The following ATF7IP variants were observed in gnomAD, a reference collection of about 807,000 sequenced individuals.
ATF7IP encodes the protein activating transcription factor 7-interacting protein 1.
A neutral mutation model predicts 106.4 loss-of-function variants in ATF7IP; 23 were observed. That is an observed-to-expected ratio of 0.22 (90% CI 0.16 to 0.31). The LOEUF (loss-of-function observed/expected upper bound fraction) is 0.31. Among genes scored for constraint, ATF7IP ranks in the 10% least tolerant of loss-of-function variants. The pLI is 1.00. For synonymous variants in ATF7IP, 542 were observed against 539.0 expected, an observed-to-expected ratio of 1.01 and a Z score of -0.08; for missense variants, 1,334 against 1,524.3, an observed-to-expected ratio of 0.88 and a Z score of 2.08.
chr12:14,425,102 A>G lies in ATF7IP; in HGVS notation c.1187A>G (p.Glu396Gly). Residue 396 changes from glutamate to glycine, a missense_variant, in exon 2 of 15, where the codon GAA (glutamate) becomes GGA (glycine). By Grantham distance (98) the Glu-to-Gly change is moderately conservative (BLOSUM62 -2). Coordinates refer to ENST00000261168, the MANE Select transcript of ATF7IP (RefSeq NM_018179.5). Reference sequence around the variant, plus strand: ...AGCAGTATGGAAATTGACCAAGGTGAAAAGAATGAAGATGAAACTTCTGCA... The same window carrying G: ...AGCAGTATGGAAATTGACCAAGGTGGAAAGAATGAAGATGAAACTTCTGCA... ...ISSSMEIDQG[E>G]KNEDETSADL... The G allele has an allele frequency of 6.3e-7, 1 of 1,589,124 alleles. No individual in the cohort carries two copies.
At chr12:14,423,545 T>C (rs1370922866) in intron 1 of ATF7IP, among the ~76,000 whole-genome samples, 2 of 150,864 alleles carry the variant, frequency 1.3e-5, no homozygotes, top group East Asian at 3.9e-4. Flanking sequence ...TCTTACACTT[T>C]TATTTTTCTT....
chr12:14,496,118 T>C (rs778848952), intron 13 of ATF7IP, 113 bp from the exon 14 acceptor site: 5 of 674,892 alleles, frequency 7.4e-6, no homozygotes, highest in African/African-American at 3.6e-5. Context: ...GAAATATCTT[T>C]CCTTTCGAAT....
intron 5 of ATF7IP, among the ~76,000 whole-genome samples, chr12:14,443,862 A>G (rs1259072235): frequency 3.3e-5 from 5 of 152,346 alleles, no homozygotes; most frequent in Non-Finnish European, 1.5e-5. Context: ...AGTTTTCCTT[A>G]TATCAACAAT....
chr12:14,376,880 T>C (rs557315386), intron 1 of ATF7IP, among the ~76,000 whole-genome samples: 1 of 152,136 alleles, frequency 6.6e-6, no homozygotes, highest in East Asian at 1.9e-4. Context: ...GAGCCAAGAT[T>C]GCGCCACTAC....
At chr12:14,469,844 C>T (rs1943974757) in intron 10 of ATF7IP, among the ~76,000 whole-genome samples, 6 of 152,168 alleles carry the variant, frequency 3.9e-5, no homozygotes, top group Admixed American at 2.6e-4. Flanking sequence ...TGTCTGGGAT[C>T]GCACAGAATT....
intron 6 of ATF7IP, among the ~76,000 whole-genome samples, chr12:14,451,448 G>C (rs1406707058): frequency 6.6e-6 from 1 of 151,406 alleles, no homozygotes; most frequent in Non-Finnish European, 1.5e-5. Context: ...TTCCCCTCTA[G>C]TTCTTTGAGT....
chr12:14,410,932 A>G (rs1940878878), intron 1 of ATF7IP, among the ~76,000 whole-genome samples: 1 of 152,150 alleles, frequency 6.6e-6, no homozygotes, highest in Admixed American at 6.5e-5. Flanking sequence ...TTTCAAAGTT[A>G]ATGCATGTAG....
At chr12:14,430,396 G>T (rs1328971710) in intron 2 of ATF7IP, among the ~76,000 whole-genome samples, 2 of 152,100 alleles carry the variant, frequency 1.3e-5, no homozygotes, top group Non-Finnish European at 2.9e-5. Flanking sequence ...GGGAGGGGAA[G>T]AATTGGAGAT....
At chr12:14,495,819 A>G (rs1309155708) in intron 13 of ATF7IP, among the ~76,000 whole-genome samples, 1 of 152,170 alleles carries the variant, frequency 6.6e-6, no homozygotes, top group Non-Finnish European at 1.5e-5. Context: ...CTGCTCCATT[A>G]TGGCCATTTA....
At chr12:14,377,296 G>A (rs1418401433) in intron 1 of ATF7IP, among the ~76,000 whole-genome samples, 3 of 151,320 alleles carry the variant, frequency 2.0e-5, no homozygotes, top group Non-Finnish European at 2.9e-5. Context: ...AGCCCAGCCC[G>A]AAATTCATTT....
At chr12:14,415,285 C>T (rs1217942559) in intron 1 of ATF7IP, among the ~76,000 whole-genome samples, 1 of 152,148 alleles carries the variant, frequency 6.6e-6, no homozygotes, top group Non-Finnish European at 1.5e-5. Flanking sequence ...CCATGTAACA[C>T]AATGATCCCA....
intron 1 of ATF7IP, among the ~76,000 whole-genome samples, chr12:14,414,542 G>A (rs1016321486): frequency 6.6e-6 from 1 of 152,148 alleles, no homozygotes; most frequent in East Asian, 1.9e-4. Flanking sequence ...TTGTGGCCTA[G>A]AGAAGCCAAA....
At chr12:14,392,671 G>T (rs1939624437) in intron 1 of ATF7IP, among the ~76,000 whole-genome samples, 1 of 152,210 alleles carries the variant, frequency 6.6e-6, no homozygotes, top group East Asian at 1.9e-4. Flanking sequence ...GATTGTGAAT[G>T]CTGTGGGGTA....
intron 1 of ATF7IP, among the ~76,000 whole-genome samples, chr12:14,384,571 G>A (rs768678679): frequency 1.3e-5 from 2 of 152,126 alleles, no homozygotes; most frequent in South Asian, 2.1e-4. Context: ...ACCTGGGGAT[G>A]TTAATGTTTG....
At chr12:14,465,287 T>C (rs1943787054) in intron 9 of ATF7IP, among the ~76,000 whole-genome samples, 1 of 152,034 alleles carries the variant, frequency 6.6e-6, no homozygotes, top group Non-Finnish European at 1.5e-5. Flanking sequence ...TCATCTACTT[T>C]TTATGTAAAG....
intron 13 of ATF7IP, among the ~76,000 whole-genome samples, chr12:14,486,151 C>A (rs529076297): frequency 6.6e-6 from 1 of 152,284 alleles, no homozygotes; most frequent in Admixed American, 6.5e-5. Context: ...GAAATGACCA[C>A]AGGATGAATC....
Position 14,456,542 on chromosome 12 carries a change from A to G in ATF7IP, c.1996-19A>G. The G allele has an allele frequency of 1.3e-6, 2 of 1,575,464 alleles. No individual in the cohort carries two copies. Among genetic ancestry groups the G allele is most frequent in the East Asian group, 2.3e-5 (1 of 44,324 alleles). On this transcript the variant is annotated intron_variant, in intron 6 of 14. Transcript: ENST00000261168. ...TGTGTTGAGTTTTATTTTTACCTTG[A>G]TTTTTTTTTCTCCCCCAGCATCCAC...
intron 1 of ATF7IP, among the ~76,000 whole-genome samples, chr12:14,404,223 A>G (rs1052809725): frequency 6.6e-6 from 1 of 151,912 alleles, no homozygotes; most frequent in Admixed American, 6.6e-5. Context: ...TTTCATGGTC[A>G]TACATGTAGA....
intron 10 of ATF7IP, among the ~76,000 whole-genome samples, chr12:14,471,162 C>T (rs1200233651): frequency 1.3e-5 from 2 of 152,066 alleles, no homozygotes; most frequent in Admixed American, 6.5e-5. Context: ...GACTTTGTTA[C>T]TTTTACACAA....
Sources: allele counts gnomAD v4.1 joint callset (sites outside exome capture counted in the v4.1 genomes callset), GRCh38; gene constraint gnomAD v4.1.1; transcripts MANE v1.5; gene names NCBI Gene and HGNC (gene_info 2026-07-23, HGNC 2026-07-21).